Variants in SERGEF observed in about 807,000 individuals in gnomAD.
SERGEF encodes secretion-regulating guanine nucleotide exchange factor.
A neutral mutation model predicts 50.0 loss-of-function variants in SERGEF; 51 were observed. The observed-to-expected ratio is 1.02, with a 90% CI of 0.81 to 1.29. The LOEUF (loss-of-function observed/expected upper bound fraction) is 1.29. Among genes scored for constraint, SERGEF ranks in the 50% most tolerant of loss-of-function variants. The probability of loss-of-function intolerance (pLI) is 0.00; values close to 1 mark genes in which losing one functional copy is unlikely to be tolerated. For synonymous variants in SERGEF, 205 were observed against 212.4 expected (o/e 0.97, Z 0.30); for missense variants, 521 against 557.0 (o/e 0.94, Z 0.65).
intron 8 of SERGEF, among the ~76,000 whole-genome samples, chr11:17,975,667 G>A (rs1308867312): frequency 2.0e-5 from 3 of 152,058 alleles, no homozygotes; most frequent in Non-Finnish European, 2.9e-5. Flanking sequence ...CTCAACAGAG[G>A]AGACTGCAAG....
Position 17,994,475 on chromosome 11 carries a change from CA to C in SERGEF, c.622+1320del, listed in dbSNP as rs58280362. Among the ~76,000 whole-genome samples the C allele has an allele frequency of 7.9e-3, 501 of 63,678 alleles. 1 individual carries two copies. Among genetic ancestry groups the C allele is most frequent in the African/African-American group, 0.03 (441 of 14,480 alleles). 41.8% of individuals were successfully genotyped at this position (63,678 alleles called of 152,430 possible). On this transcript the variant is annotated intron_variant, in intron 6 of 10. Transcript: ENST00000265965. ...TGGGCGACAGAGTGAGACTCTGTCTCAAAAAAAAAAAAAAAAAAAAAAAATT... is the reference window on the plus strand; with the variant it reads ...TGGGCGACAGAGTGAGACTCTGTCTCAAAAAAAAAAAAAAAAAAAAAAATT...
chr11:17,901,836 T>C (rs1851753694), intron 9 of SERGEF, among the ~76,000 whole-genome samples: 1 of 152,232 alleles, frequency 6.6e-6, no homozygotes, highest in African/African-American at 2.4e-5. Context: ...TTAAAGACTT[T>C]AGTTCCCACC....
chr11:17,988,011 C>T lies in SERGEF; in HGVS notation c.844+586G>A, dbSNP rs544331106. Among the ~76,000 whole-genome samples the T allele has an allele frequency of 5.3e-5, 8 of 152,258 alleles. No individual in the cohort carries two copies. In the South Asian group the frequency reaches 1.5e-3, roughly 28 times the overall value. ...CAATATGAAGGCCAGGAAAGTAGAA[C>T]TGCCCTAAGGGAAAGATGAGAAATA... On this transcript the variant is annotated intron_variant, in intron 8 of 10. Transcript: ENST00000265965.
intron 6 of SERGEF, among the ~76,000 whole-genome samples, chr11:17,994,717 C>T (rs534009839): frequency 1.3e-5 from 2 of 152,164 alleles, no homozygotes; most frequent in Admixed American, 1.3e-4. Flanking sequence ...TCCAATGCTC[C>T]TTCTCCTTTC....
At chr11:17,935,395 G>A (rs1852432035) in intron 9 of SERGEF, among the ~76,000 whole-genome samples, 1 of 152,082 alleles carries the variant, frequency 6.6e-6, no homozygotes, top group Non-Finnish European at 1.5e-5. Flanking sequence ...CTTGAGCTCA[G>A]GAGTTTGAGG....
rs932300447 is a variant in SERGEF, at chr11:17,884,689, G to C, written c.1012-6445C>G. On this transcript the variant is annotated intron_variant, in intron 9 of 10. Transcript: ENST00000265965. The surrounding 1 kb of genome is among the most constrained non-coding windows in gnomAD (Gnocchi z 4.6). Reference sequence around the variant, plus strand: ...TACTAAGATATCTTTAACTCTCTCTGTGGGCTTGAATTTGTATTTTATTTC... The same window carrying C: ...TACTAAGATATCTTTAACTCTCTCTCTGGGCTTGAATTTGTATTTTATTTC... 1.3e-5 allele frequency among the ~76,000 whole-genome samples: 2 copies of C among 152,058 alleles called. No homozygotes were observed. The highest frequency in any genetic ancestry group is 6.6e-5 in the Admixed American group (1 of 15,258).
intron 9 of SERGEF, among the ~76,000 whole-genome samples, chr11:17,882,545 G>A (rs1851355249): frequency 6.6e-6 from 1 of 152,136 alleles, no homozygotes; most frequent in Admixed American, 6.5e-5. Context: ...ATGTATCATG[G>A]CCCTTATCCC....
rs574648568 is a variant in SERGEF at position 17,988,047 on chromosome 11, C to T, written c.844+550G>A. Reference sequence around the variant, plus strand: ...GAAAGATGAGAAATAAACGAAGATTCAAGAAAAGATGAAGATGCCAAAAGC... The same window carrying T: ...GAAAGATGAGAAATAAACGAAGATTTAAGAAAAGATGAAGATGCCAAAAGC... On this transcript the variant is annotated intron_variant, in intron 8 of 10. Coordinates refer to ENST00000265965, the MANE Select transcript of SERGEF (RefSeq NM_012139.4). Among the ~76,000 whole-genome samples, 14 of 152,184 alleles carry T rather than the reference C, an allele frequency of 9.2e-5. No homozygotes were observed. The South Asian group carries it at 2.9e-3, about 32-fold the overall frequency.
At chr11:17,859,914 T>C (rs982421620) in intron 10 of SERGEF, among the ~76,000 whole-genome samples, 1 of 152,222 alleles carries the variant, frequency 6.6e-6, no homozygotes, top group African/African-American at 2.4e-5. Flanking sequence ...CAACTCCTCT[T>C]TTCCGGGAAA....
In SERGEF at chr11:17,792,588, G is replaced by A. The variant is rs533039602; in HGVS notation, c.1049-4175C>T. ...AGGATTTTCATGCCCACTGGGTCGA[G>A]AAGCCTGGTAAAGGCCCAGTAATAT... On this transcript the variant is annotated intron_variant, in intron 10 of 10. Transcript: ENST00000265965. 5.3e-5 allele frequency among the ~76,000 whole-genome samples: 8 copies of A among 152,372 alleles called. 1 individual carries two copies. The East Asian group carries it at 1.5e-3, about 29-fold the overall frequency.
intron 8 of SERGEF, among the ~76,000 whole-genome samples, chr11:17,966,415 C>A (rs1169201874): frequency 6.6e-6 from 1 of 152,160 alleles, no homozygotes; most frequent in Non-Finnish European, 1.5e-5. Context: ...CTGCTTTAGG[C>A]ACCCAGTTTT....
chr11:17,870,834 A>G (rs1302249259), intron 10 of SERGEF, among the ~76,000 whole-genome samples: 1 of 152,224 alleles, frequency 6.6e-6, no homozygotes, highest in Non-Finnish European at 1.5e-5. Context: ...ATCAAGATTT[A>G]TTATAAAGCT....
intron 9 of SERGEF, among the ~76,000 whole-genome samples, chr11:17,918,979 C>T (rs2133937292): frequency 6.6e-6 from 1 of 152,272 alleles, no homozygotes; most frequent in Middle Eastern, 3.4e-3. Context: ...AGGGAAGACT[C>T]TAAATGCTAG....
At chr11:17,929,620 G>C (rs902797594) in intron 9 of SERGEF, among the ~76,000 whole-genome samples, 2 of 152,134 alleles carry the variant, frequency 1.3e-5, no homozygotes, top group Non-Finnish European at 2.9e-5. Flanking sequence ...ACATTTGTGG[G>C]TTCCCATTAT....
intron 9 of SERGEF, among the ~76,000 whole-genome samples, chr11:17,943,818 G>A (rs1276825842): frequency 6.6e-6 from 1 of 152,156 alleles, no homozygotes; most frequent in Non-Finnish European, 1.5e-5. Flanking sequence ...CTAGATAAAA[G>A]TTGAAAGAAC....
chr11:17,927,402 G>A (rs1269064484), intron 9 of SERGEF, among the ~76,000 whole-genome samples: 7 of 152,158 alleles, frequency 4.6e-5, no homozygotes, highest in African/African-American at 7.2e-5. Flanking sequence ...CAACATACCC[G>A]ATTTTGGTTC....
chr11:17,999,604 A>C (rs1011941004), intron 5 of SERGEF: 1 of 455,946 alleles, frequency 2.2e-6, no homozygotes, highest in Non-Finnish European at 4.4e-6. Flanking sequence ...AGCAGAAAAA[A>C]TGAAAAGGGG....
chr11:17,962,624 C>T (rs1853031149), intron 8 of SERGEF, among the ~76,000 whole-genome samples: 1 of 152,150 alleles, frequency 6.6e-6, no homozygotes, highest in Admixed American at 6.5e-5. Context: ...ATTTATAAGG[C>T]ATGTCCATGT....
At chr11:17,975,044 G>A (rs1853340620) in intron 8 of SERGEF, among the ~76,000 whole-genome samples, 1 of 152,170 alleles carries the variant, frequency 6.6e-6, no homozygotes, top group Non-Finnish European at 1.5e-5. Context: ...GGAAGCAGTA[G>A]TACTATTGAT....
Sources: allele counts gnomAD v4.1 joint callset (sites outside exome capture counted in the v4.1 genomes callset), GRCh38; gene constraint gnomAD v4.1.1; non-coding constraint Gnocchi (gnomAD v3.1); transcripts MANE v1.5; gene names NCBI Gene and HGNC (gene_info 2026-07-23, HGNC 2026-07-21).